Variants in CDH13 observed in about 807,000 individuals in gnomAD.
CDH13 encodes the protein cadherin-13.
Under a neutral mutation model 63.8 loss-of-function variants are expected in CDH13, and 24 were observed. The ratio of observed to expected loss-of-function variants is 0.38; its 90% confidence interval spans 0.27 to 0.53. CDH13 has a LOEUF of 0.53. Ranked by LOEUF, CDH13 falls within the 20% of genes least tolerant of loss-of-function variation. The pLI, the probability that CDH13 is intolerant of heterozygous loss-of-function variation, is 0.85. For synonymous variants in CDH13, 503 were observed against 355.3 expected (o/e 1.42, Z -4.67); for missense variants, 1,049 against 903.1 (o/e 1.16, Z -2.07).
At chr16:83,435,478 C>G (rs1490641802) in intron 6 of CDH13, among the ~76,000 whole-genome samples, 2 of 152,140 alleles carry the variant, frequency 1.3e-5, no homozygotes, top group African/African-American at 4.8e-5. Flanking sequence ...GTGGTCCAGC[C>G]CTGCTGCCTC....
chr16:83,435,954 TA>T (rs1468488127), intron 6 of CDH13, among the ~76,000 whole-genome samples: 8 of 152,226 alleles, frequency 5.3e-5, no homozygotes, highest in Non-Finnish European at 1.2e-4. Context: ...TTCTTCAATT[TA>T]AAAAGCTATT....
intron 7 of CDH13, among the ~76,000 whole-genome samples, chr16:83,526,332 C>T (rs374238905): frequency 6.6e-6 from 1 of 152,148 alleles, no homozygotes; most frequent in African/African-American, 2.4e-5. Context: ...AGTCCGCAAC[C>T]TTTTTGGCAC....
chr16:83,022,382 C>A lies in CDH13; in HGVS notation c.158-9628C>A, dbSNP rs183175426. ...CAATCTACATTCTTATGCTCTGGGG[C>A]AGTTCCTATCTGTGTCATGTCCTTG... On this transcript the variant is annotated intron_variant, in intron 2 of 13. Transcript: ENST00000567109. 1.9e-3 allele frequency among the ~76,000 whole-genome samples: 293 copies of A among 152,330 alleles called. 1 individual carries two copies. Among genetic ancestry groups the A allele is most frequent in the Middle Eastern group, 0.017 (5 of 294 alleles).
At chr16:83,168,778 A>G (rs2037798186) in intron 4 of CDH13, among the ~76,000 whole-genome samples, 1 of 152,120 alleles carries the variant, frequency 6.6e-6, no homozygotes, top group South Asian at 2.1e-4. Flanking sequence ...ATATGTTCAA[A>G]TTGTATTCTG....
intron 2 of CDH13, among the ~76,000 whole-genome samples, chr16:83,025,291 T>A (rs12930895): frequency 1.3e-5 from 2 of 152,206 alleles, no homozygotes; most frequent in African/African-American, 4.8e-5. Flanking sequence ...TATTAGTCCA[T>A]TCTCATGCTA....
chr16:83,280,293 C>T (rs2089130967), intron 5 of CDH13, among the ~76,000 whole-genome samples: 1 of 152,214 alleles, frequency 6.6e-6, no homozygotes, highest in African/African-American at 2.4e-5. Context: ...GTCATTTCAA[C>T]TATGTTCATA....
intron 1 of CDH13, among the ~76,000 whole-genome samples, chr16:82,774,973 T>C (rs1049324178): frequency 6.6e-6 from 1 of 152,230 alleles, no homozygotes; most frequent in Non-Finnish European, 1.5e-5. Context: ...GGATCAGTTC[T>C]ACCTGCAGCC....
chr16:82,645,274 C>T (rs1167835394), intron 1 of CDH13, among the ~76,000 whole-genome samples: 2 of 152,162 alleles, frequency 1.3e-5, no homozygotes, highest in African/African-American at 4.8e-5. Flanking sequence ...GCTCAGAAAT[C>T]TGTGTTTCCA....
intron 4 of CDH13, among the ~76,000 whole-genome samples, chr16:83,147,265 C>T (rs1358318889): frequency 1.3e-5 from 2 of 152,192 alleles, no homozygotes; most frequent in African/African-American, 4.8e-5. Context: ...TTTCCACATC[C>T]ACCTTCTTCC....
chr16:82,995,856 G>T (rs61696909), intron 2 of CDH13, among the ~76,000 whole-genome samples: 3,447 of 152,216 alleles, frequency 0.023, 114 homozygotes, highest in African/African-American at 0.076. Flanking sequence ...CTCGCGGGCT[G>T]CTGGGGAATC....
intron 2 of CDH13, among the ~76,000 whole-genome samples, chr16:83,000,828 C>T (rs1201396503): frequency 6.6e-6 from 1 of 152,180 alleles, no homozygotes; most frequent in Non-Finnish European, 1.5e-5. Flanking sequence ...ATCCGCCCGC[C>T]TCGGCCTCCC....
chr16:83,276,447 A>G (rs2088991471), intron 5 of CDH13, among the ~76,000 whole-genome samples: 1 of 152,168 alleles, frequency 6.6e-6, no homozygotes, highest in Admixed American at 6.5e-5. Context: ...TGCAGAATGT[A>G]TGAGTTCATT....
chr16:82,710,359 C>T lies in CDH13; in HGVS notation c.45+83222C>T, dbSNP rs1428292314. Among the ~76,000 whole-genome samples the T allele has an allele frequency of 6.5e-4, 94 of 144,384 alleles. 3 individuals carry two copies. The highest frequency in any genetic ancestry group is 5.5e-4 in the Non-Finnish European group (36 of 66,026). The allele number at this position is 144,384 out of a possible 152,430, so 94.7% of individuals were successfully genotyped here. A position where few individuals can be genotyped will look rare whatever the true frequency, so the allele number is the denominator to read the frequency against. Reference sequence around the variant, plus strand: ...CCATCGTGGTTAACATGGTGAAACCCCATCTCTACTATAAATACAAAAAAT... The same window carrying T: ...CCATCGTGGTTAACATGGTGAAACCTCATCTCTACTATAAATACAAAAAAT... On this transcript the variant is annotated intron_variant, in intron 1 of 13. Coordinates refer to ENST00000567109, the MANE Select transcript of CDH13 (RefSeq NM_001257.5).
At chr16:83,270,586 T>C (rs887490514) in intron 5 of CDH13, among the ~76,000 whole-genome samples, 1 of 152,114 alleles carries the variant, frequency 6.6e-6, no homozygotes, top group African/African-American at 2.4e-5. Context: ...CACGTGTAGG[T>C]GCAAGTCCAC....
At chr16:83,521,285 A>C (rs561210199) in intron 7 of CDH13, among the ~76,000 whole-genome samples, 1 of 152,190 alleles carries the variant, frequency 6.6e-6, no homozygotes, top group Admixed American at 6.5e-5. Context: ...GTAATCGGCC[A>C]CCCTGTATGA....
chr16:82,994,741 A>C (rs1340182036), intron 2 of CDH13, among the ~76,000 whole-genome samples: 1 of 152,146 alleles, frequency 6.6e-6, no homozygotes, highest in African/African-American at 2.4e-5. Flanking sequence ...CCAAACAAAC[A>C]CTTCTTAGCT....
rs148829871 is a variant in CDH13 at position 82,795,574 on chromosome 16, C to T, written c.46-62788C>T. The stretch of plus-strand genomic sequence containing the variant: ...TATGAATTACATACTATATTATCCC[C>T]ATTTTACAGACTACAAAATGAAGGT... On this transcript the variant is annotated intron_variant, in intron 1 of 13. Coordinates refer to ENST00000567109, the MANE Select transcript of CDH13 (RefSeq NM_001257.5). Among the ~76,000 whole-genome samples the T allele has an allele frequency of 2.6e-5, 4 of 152,292 alleles. No individual in the cohort carries two copies. In the East Asian group the frequency reaches 5.8e-4, roughly 22 times the overall value.
chr16:83,579,918 A>G (rs1318216646), intron 7 of CDH13, among the ~76,000 whole-genome samples: 2 of 152,134 alleles, frequency 1.3e-5, no homozygotes, highest in Non-Finnish European at 2.9e-5. Context: ...CACTTAAACT[A>G]TGAGCATGTG....
At chr16:83,669,167 C>T (rs1173345800) in intron 8 of CDH13, among the ~76,000 whole-genome samples, 3 of 152,168 alleles carry the variant, frequency 2.0e-5, no homozygotes, top group Non-Finnish European at 4.4e-5. Context: ...CTGCTTGTCC[C>T]AGAAGACCAG....
Sources: allele counts gnomAD v4.1 joint callset (sites outside exome capture counted in the v4.1 genomes callset), GRCh38; gene constraint gnomAD v4.1.1; transcripts MANE v1.5; gene names NCBI Gene and HGNC (gene_info 2026-07-23, HGNC 2026-07-21).